MYH10: variants seen among roughly 807,000 people sequenced by gnomAD.
The protein encoded by MYH10 is myosin-10.
A neutral mutation model predicts 257.8 loss-of-function variants in MYH10; 55 were observed. That is an observed-to-expected ratio of 0.21 (90% confidence interval 0.17 to 0.27). The LOEUF is 0.27. MYH10 is among the 10% of genes least tolerant of loss of function. The pLI, the probability that MYH10 is intolerant of heterozygous loss-of-function variation, is 1.00. For synonymous variants in MYH10, 854 were observed against 921.7 expected, an observed-to-expected ratio of 0.93 and a Z score of 1.33; for missense variants, 1,631 against 2,500.6, an observed-to-expected ratio of 0.65 and a Z score of 7.42.
chr17:8,595,190 C>T (rs960762433), intron 3 of MYH10, among the ~76,000 whole-genome samples: 4 of 152,154 alleles, frequency 2.6e-5, no homozygotes, highest in African/African-American at 7.2e-5. Flanking sequence ...ATTCTCGAAA[C>T]GGCAGCACTA....
Position 8,506,331 on chromosome 17 carries a change from C to T in MYH10, c.3373G>A (p.Gly1125Ser), listed in dbSNP as rs2081073825. The change falls in exon 27 of 43, where the codon GGC (glycine) becomes AGC (serine). Residue 1125 changes from glycine to serine, a missense_variant. This residue lies in a region of MYH10 where 169 missense variants were observed against 249.8 expected (regional missense o/e 0.68). Transcript: ENST00000360416. This position sits in a 1 kb window ranked among gnomAD's most constrained non-coding sequence, Gnocchi z 5.0. ...QLAKKEEELQ[G>S]ALARGDDETL... is the part of the protein sequence containing the mutation. The stretch of plus-strand genomic sequence containing the variant: ...TGGGCTGCAGACCTGGCCAGTGCGC[C>T]CTGCAGCTCCTCCTCCTTCTTGGCC... 6.3e-7 allele frequency: 1 copy of T among 1,599,806 alleles called. No individual in the cohort carries two copies. The highest frequency in any genetic ancestry group is 1.4e-5 in the African/African-American group (1 of 73,688).
At chr17:8,561,973 C>T (rs757228092) in intron 7 of MYH10, among the ~76,000 whole-genome samples, 20 of 152,196 alleles carry the variant, frequency 1.3e-4, no homozygotes, top group East Asian at 3.9e-4. Flanking sequence ...CAAAAGAGAA[C>T]GGTATTTCTG....
chr17:8,613,977 A>T (rs1437948797), intron 2 of MYH10, among the ~76,000 whole-genome samples: 1 of 152,234 alleles, frequency 6.6e-6, no homozygotes, highest in Non-Finnish European at 1.5e-5. Flanking sequence ...ACTAAAAATG[A>T]CCATTCCATG....
Position 8,525,348 on chromosome 17 carries a change from C to T in MYH10, c.1958-4063G>A, listed in dbSNP as rs549988471. Among the ~76,000 whole-genome samples, 3 of 152,342 alleles carry T rather than the reference C, an allele frequency of 2.0e-5. No homozygotes were observed. The East Asian group carries it at 5.8e-4, about 29-fold the overall frequency. On this transcript the variant is annotated intron_variant, in intron 17 of 42. Coordinates refer to ENST00000360416, the MANE Select transcript of MYH10 (RefSeq NM_001256012.3). ...TTCTTCTCACTGGACTGAGCTTCCC[C>T]AGGGAACATTTTTCCAGCATCTTAC...
intron 19 of MYH10, 57 bp from the exon 20 acceptor site, chr17:8,519,007 A>G (rs1308296619): frequency 1.5e-6 from 2 of 1,350,196 alleles, no homozygotes; most frequent in East Asian, 4.6e-5. Context: ...ATGTGTATCT[A>G]CTAACTGTGT....
chr17:8,623,304 T>C, intron 1 of MYH10, 27 bp from the exon 2 acceptor site: 1 of 1,522,038 alleles, frequency 6.6e-7, no homozygotes, highest in Admixed American at 2.4e-5. Context: ...AGGGCAAAAT[T>C]AGATGTTTAA....
rs1474547099 is a variant in MYH10, at chr17:8,535,905, A to G, written c.1632T>C (p.Leu544=). The change falls in exon 15 of 43, where the codon CTT becomes CTC. Residue 544 remains leucine (L), a synonymous_variant. Coordinates refer to ENST00000360416, the MANE Select transcript of MYH10 (RefSeq NM_001256012.3). This position sits in a 1 kb window ranked among gnomAD's most constrained non-coding sequence, Gnocchi z 4.3. The part of the protein sequence containing the change: ...RPANPPGVLA[L]LDEECWFPKA... ...TAGGGAACCAGCATTCTTCATCCAA[A>G]AGGGCCAGTACACCAGGAGGGTTCG... 3 of 1,614,120 alleles carry G rather than the reference A, an allele frequency of 1.9e-6. No homozygotes were observed. The highest frequency in any genetic ancestry group is 2.5e-6 in the Non-Finnish European group (3 of 1,180,010).
rs2080970604 is a variant in MYH10 at position 8,503,370 on chromosome 17, T to C, written c.3599+1324A>G. On this transcript the variant is annotated intron_variant, in intron 28 of 42. Transcript: ENST00000360416. ...TGCCTGGCTCAGATGGGGTTTTTCC[T>C]CTCTCTGGGTAAAAGCTGAAGACAA... Among the ~76,000 whole-genome samples, 4 of 152,224 alleles carry C rather than the reference T, an allele frequency of 2.6e-5. No homozygotes were observed. In the South Asian group the frequency reaches 8.3e-4, roughly 32 times the overall value.
At chr17:8,511,702 A>T (rs572217457) in intron 24 of MYH10, among the ~76,000 whole-genome samples, 6 of 152,342 alleles carry the variant, frequency 3.9e-5, no homozygotes, top group African/African-American at 1.4e-4. Flanking sequence ...TAAAAATTTC[A>T]AACACACATA....
intron 3 of MYH10, among the ~76,000 whole-genome samples, chr17:8,602,540 T>C (rs188598155): frequency 6.6e-6 from 1 of 152,334 alleles, no homozygotes; most frequent in East Asian, 1.9e-4. Flanking sequence ...GCCCCCTCAA[T>C]TATGTTGTGT....
At chr17:8,630,497 C>A (rs1402369204) in intron 1 of MYH10, among the ~76,000 whole-genome samples, 157 bp downstream of exon 1, 1 of 152,102 alleles carries the variant, frequency 6.6e-6, no homozygotes, top group African/African-American at 2.4e-5. Flanking sequence ...CCCTACAGCT[C>A]AGAAGCCCCT....
In MYH10 at chr17:8,515,533, C is replaced by CTTTT. The variant is rs562174128; in HGVS notation, c.2505-1643_2505-1640dup. Among the ~76,000 whole-genome samples the CTTTT allele has an allele frequency of 3.1e-3, 272 of 86,888 alleles. 46 individuals carry two copies. The highest frequency in any genetic ancestry group is 6.0e-3 in the Admixed American group (38 of 6,352). The allele number at this position is 86,888 out of a possible 152,430, so 57.0% of individuals were successfully genotyped here. A position where few individuals can be genotyped will look rare whatever the true frequency, so the allele number is the denominator to read the frequency against. ...ACCAGCCAAAAAGAATTAGCCAAGT[C>CTTTT]TTTTTTTTTTTTTTTTTTTTTTTTT... is the stretch of plus-strand genomic sequence containing the variant. On this transcript the variant is annotated intron_variant, in intron 21 of 42. Transcript: ENST00000360416.
At chr17:8,592,038 G>A (rs992078139) in intron 3 of MYH10, among the ~76,000 whole-genome samples, 2 of 152,228 alleles carry the variant, frequency 1.3e-5, no homozygotes, top group Middle Eastern at 3.4e-3. Flanking sequence ...TAACCAAACA[G>A]AGCCTTACGG....
rs374553456 is a variant in MYH10 at position 8,556,989 on chromosome 17, T to TA, written c.757-2972dup. On this transcript the variant is annotated intron_variant, in intron 7 of 42. Transcript: ENST00000360416. ...GCTTCCCTATTAAAGTGAAAGCCGT[T>TA]AGATTTACACTCTTCTGCTTATGGT... 2.9e-3 allele frequency among the ~76,000 whole-genome samples: 436 copies of TA among 152,288 alleles called. 2 individuals carry two copies. Among genetic ancestry groups the TA allele is most frequent in the African/African-American group, 0.01 (425 of 41,564 alleles).
chr17:8,606,000 TTTAC>T (rs1451348904), intron 2 of MYH10, among the ~76,000 whole-genome samples: 8 of 152,186 alleles, frequency 5.3e-5, no homozygotes, highest in Admixed American at 4.6e-4. Flanking sequence ...TAAAAATGTA[TTTAC>T]TTATGTTAAC....
At chr17:8,612,779 G>A (rs1167114558) in intron 2 of MYH10, among the ~76,000 whole-genome samples, 1 of 152,020 alleles carries the variant, frequency 6.6e-6, no homozygotes, top group Non-Finnish European at 1.5e-5. Context: ...TGAACTGGCA[G>A]GTGGAGGTTG....
intron 14 of MYH10, among the ~76,000 whole-genome samples, chr17:8,537,669 C>T (rs970818654): frequency 6.6e-6 from 1 of 152,158 alleles, no homozygotes; most frequent in African/African-American, 2.4e-5. Context: ...CCTCCTTTTA[C>T]CCTTTTACAT....
At chr17:8,592,816 G>GAAAAAAA (rs67151329) in intron 3 of MYH10, among the ~76,000 whole-genome samples, 3 of 30,424 alleles carry the variant, frequency 9.9e-5, no homozygotes, top group Non-Finnish European at 1.2e-4. Flanking sequence ...AATGAAATCA[G>GAAAAAAA]AAAAAAAAAA....
chr17:8,487,599 T>G lies in MYH10; in HGVS notation c.4885-5A>C, dbSNP rs764163510. Reference sequence around the variant, plus strand: ...CTCCGCCTCGAGCTCCCGCACCTAATGGACAACATCGGGTTATGCTGGGTT... The same window carrying G: ...CTCCGCCTCGAGCTCCCGCACCTAAGGGACAACATCGGGTTATGCTGGGTT... On this transcript the variant is annotated splice_region_variant and splice_polypyrimidine_tract_variant and intron_variant, in intron 35 of 42. Coordinates refer to ENST00000360416, the MANE Select transcript of MYH10 (RefSeq NM_001256012.3). 5 of 1,614,026 alleles carry G rather than the reference T, an allele frequency of 3.1e-6. No homozygotes were observed. Among genetic ancestry groups the G allele is most frequent in the Non-Finnish European group, 2.5e-6 (3 of 1,180,032 alleles).
Sources: allele counts gnomAD v4.1 joint callset (sites outside exome capture counted in the v4.1 genomes callset), GRCh38; gene constraint gnomAD v4.1.1; regional missense constraint gnomAD v4.1.1; non-coding constraint Gnocchi (gnomAD v3.1); transcripts MANE v1.5; gene names NCBI Gene and HGNC (gene_info 2026-07-23, HGNC 2026-07-21).